The following COL28A1 variants were observed in gnomAD, a reference collection of about 807,000 sequenced individuals.
COL28A1 encodes collagen type XXVIII alpha 1 chain.
In COL28A1, 161 loss-of-function variants were observed where a neutral mutation model predicts 150.2. The ratio of observed to expected loss-of-function variants is 1.07; its 90% confidence interval spans 0.94 to 1.22. COL28A1 has a LOEUF of 1.22. COL28A1 is among the 50% of genes most tolerant of loss of function. COL28A1 has a pLI of 0.00. For missense variants in COL28A1, 1,617 were observed against 1,388.3 expected (o/e 1.16, Z -2.62); for synonymous variants, 552 against 469.7 (o/e 1.18, Z -2.26).
intron 25 of COL28A1, among the ~76,000 whole-genome samples, chr7:7,420,967 A>G (rs908230674): frequency 2.6e-5 from 4 of 152,246 alleles, no homozygotes; most frequent in African/African-American, 9.6e-5. Context: ...TTGCCAAATG[A>G]TACAGTCATT....
intron 4 of COL28A1, 133 bp from the exon 5 acceptor site, chr7:7,522,094 G>T (rs755911373): frequency 8.5e-6 from 6 of 708,046 alleles, no homozygotes; most frequent in South Asian, 7.5e-5. Flanking sequence ...ATTGTATTCA[G>T]TATATAACCA....
At chr7:7,455,964 T>C (rs1264846280) in intron 16 of COL28A1, 80 bp downstream of exon 16, 7 of 1,583,924 alleles carry the variant, frequency 4.4e-6, no homozygotes, top group Non-Finnish European at 6.0e-6. Flanking sequence ...CATAGATGTT[T>C]GCAGGACTGG....
intron 20 of COL28A1, among the ~76,000 whole-genome samples, chr7:7,443,265 A>G (rs1223223373): frequency 6.6e-6 from 1 of 152,214 alleles, no homozygotes; most frequent in Non-Finnish European, 1.5e-5. Flanking sequence ...AAGAAAATTT[A>G]TGGACTGTCA....
chr7:7,374,038 A>AAAAAAAAAAAAAAATATAT, intron 31 of COL28A1, among the ~76,000 whole-genome samples: 18 of 113,626 alleles, frequency 1.6e-4, no homozygotes, highest in African/African-American at 6.1e-4. Context: ...AAAAAAAAAA[A>AAAAAAAAAAAAAAATATAT]ATATATATAT....
chr7:7,488,740 C>T (rs1779757223), intron 13 of COL28A1, among the ~76,000 whole-genome samples: 1 of 152,156 alleles, frequency 6.6e-6, no homozygotes, highest in Non-Finnish European at 1.5e-5. Context: ...TCCTTATTCT[C>T]AGTGATTTTT....
chr7:7,390,847 TC>T (rs1305430593), intron 27 of COL28A1, among the ~76,000 whole-genome samples: 6 of 152,342 alleles, frequency 3.9e-5, no homozygotes, highest in African/African-American at 1.4e-4. Flanking sequence ...ATCCCCTTTA[TC>T]ATTTTTTATT....
At chr7:7,507,700 C>T (rs1780889551) in intron 9 of COL28A1, among the ~76,000 whole-genome samples, 2 of 152,010 alleles carry the variant, frequency 1.3e-5, no homozygotes, top group South Asian at 4.1e-4. Flanking sequence ...TTTTTATTTC[C>T]CCAGATTTCC....
intron 27 of COL28A1, among the ~76,000 whole-genome samples, chr7:7,398,295 C>T (rs190378529): frequency 6.6e-6 from 1 of 152,182 alleles, no homozygotes. Context: ...CAAATGTTCT[C>T]CATTTGGAGA....
chr7:7,394,333 C>T (rs2128295722), intron 27 of COL28A1, among the ~76,000 whole-genome samples: 1 of 152,338 alleles, frequency 6.6e-6, no homozygotes, highest in Non-Finnish European at 1.5e-5. Flanking sequence ...CACCAGCCTT[C>T]TGCATTGATC....
At chr7:7,435,281 C>G (rs1223635904) in intron 23 of COL28A1, among the ~76,000 whole-genome samples, 3 of 152,112 alleles carry the variant, frequency 2.0e-5, no homozygotes, top group Non-Finnish European at 4.4e-5. Flanking sequence ...AATTGTCATG[C>G]AAATATAATT....
At chr7:7,435,010 A>C (rs1347596066) in intron 23 of COL28A1, among the ~76,000 whole-genome samples, 1 of 152,196 alleles carries the variant, frequency 6.6e-6, no homozygotes, top group Non-Finnish European at 1.5e-5. Context: ...GACCCTCCCA[A>C]AACTGAAAAA....
At chr7:7,451,288 C>T (rs918751457) in intron 18 of COL28A1, among the ~76,000 whole-genome samples, 12 of 151,518 alleles carry the variant, frequency 7.9e-5, no homozygotes, top group South Asian at 2.1e-4. Flanking sequence ...TGCAGTGGCG[C>T]GATCTCAGCT....
In COL28A1 at chr7:7,419,922, G is replaced by A. The variant is rs756616863; in HGVS notation, c.2030C>T (p.Pro677Leu). 1 of 1,602,196 alleles carries A rather than the reference G, an allele frequency of 6.2e-7. No homozygotes were observed. Among genetic ancestry groups the A allele is most frequent in the Non-Finnish European group, 8.5e-7 (1 of 1,174,800 alleles). Reference sequence around the variant, plus strand: ...GGTTCCTACGCCCCGAGGCCCAGAAGGACCTGGAGGGCCTCTGACCCCAGG... The same window carrying A: ...GGTTCCTACGCCCCGAGGCCCAGAAAGACCTGGAGGGCCTCTGACCCCAGG... ...GEPGVRGPPG[P>L]SGPRGVGTQG... The change falls in exon 26 of 35, where the codon CCT becomes CTT. Residue 677 changes from proline (P) to leucine (L), a missense_variant. Coordinates refer to ENST00000399429, the MANE Select transcript of COL28A1 (RefSeq NM_001037763.3).
chr7:7,515,708 A>G, intron 8 of COL28A1, 106 bp downstream of exon 8: 1 of 742,202 alleles, frequency 1.3e-6, no homozygotes, highest in East Asian at 2.5e-5. Flanking sequence ...GGGAATCCAG[A>G]CTTACAAAAA....
At chr7:7,529,059 T>C (rs1008449172) in intron 3 of COL28A1, among the ~76,000 whole-genome samples, 4 of 152,008 alleles carry the variant, frequency 2.6e-5, no homozygotes, top group Admixed American at 6.6e-5. Flanking sequence ...CCCAACACTT[T>C]GGGAGGCCGA....
At chr7:7,410,024 T>G (rs1001920833) in intron 27 of COL28A1, among the ~76,000 whole-genome samples, 1 of 152,218 alleles carries the variant, frequency 6.6e-6, no homozygotes, top group African/African-American at 2.4e-5. Flanking sequence ...GATTCTGATT[T>G]AGGAATTATT....
the COL28A1 span, among the ~76,000 whole-genome samples, chr7:7,342,869 G>C: frequency 6.6e-6 from 1 of 151,686 alleles, no homozygotes. Context: ...TTTCCACTGG[G>C]AATCATTTTC....
At chr7:7,444,312 A>C (rs1786071712) in intron 19 of COL28A1, 106 bp downstream of exon 19, 1 of 1,495,700 alleles carries the variant, frequency 6.7e-7, no homozygotes, top group African/African-American at 1.4e-5. Context: ...TTTTTCTTAA[A>C]GAAACTAAGT....
chr7:7,353,656 G>T (rs941020084), downstream of COL28A1, among the ~76,000 whole-genome samples: 1 of 152,156 alleles, frequency 6.6e-6, no homozygotes, highest in Non-Finnish European at 1.5e-5. Context: ...TGTCCTTGCA[G>T]TATTAAGATG....
Sources: allele counts gnomAD v4.1 joint callset (sites outside exome capture counted in the v4.1 genomes callset), GRCh38; gene constraint gnomAD v4.1.1; transcripts MANE v1.5; gene names NCBI Gene and HGNC (gene_info 2026-07-23, HGNC 2026-07-21).